The following CD86 variants were observed in gnomAD, a reference collection of about 807,000 sequenced individuals.
CD86 encodes the protein CD86 molecule, also known as T-lymphocyte activation antigen CD86.
CD86 carries 11 observed loss-of-function variants against 32.1 expected under a neutral mutation model. The ratio of observed to expected loss-of-function variants is 0.34; its 90% CI spans 0.22 to 0.57. The LOEUF (loss-of-function observed/expected upper bound fraction) is 0.57. Among genes scored for constraint, CD86 ranks in the 20% least tolerant of loss-of-function variants. The pLI, the probability that CD86 is intolerant of heterozygous loss-of-function variation, is 0.86. For missense variants in CD86, 359 were observed against 398.4 expected, an observed-to-expected ratio of 0.90 and a Z score of 0.84; for synonymous variants, 137 against 135.3, an observed-to-expected ratio of 1.01 and a Z score of -0.09.
chr3:122,090,255 T>C (rs1456850326), intron 1 of CD86, among the ~76,000 whole-genome samples: 1 of 152,178 alleles, frequency 6.6e-6, no homozygotes, highest in Non-Finnish European at 1.5e-5. Flanking sequence ...TCTAGCCCAA[T>C]GTCCTGCACT....
At chr3:122,079,703 A>G (rs1014029660) in intron 1 of CD86, among the ~76,000 whole-genome samples, 2 of 152,004 alleles carry the variant, frequency 1.3e-5, no homozygotes, top group African/African-American at 4.8e-5. Context: ...ATTGGCTTAC[A>G]CTCGGGCTGA....
chr3:122,072,091 G>GGT (rs1262288574), intron 1 of CD86, among the ~76,000 whole-genome samples: 1 of 150,462 alleles, frequency 6.6e-6, no homozygotes, highest in Non-Finnish European at 1.5e-5. Context: ...AGTATTCCAT[G>GGT]GTGTATATGT....
At chr3:122,064,328 AATAGGGTT>A (rs2072382897) in intron 1 of CD86, among the ~76,000 whole-genome samples, 1 of 152,186 alleles carries the variant, frequency 6.6e-6, no homozygotes, top group Admixed American at 6.5e-5. Flanking sequence ...GGATTATGGA[AATAGGGTT>A]ATTTCTTTGA....
At chr3:122,116,591 A>G (rs2073254196) in intron 5 of CD86, among the ~76,000 whole-genome samples, 1 of 152,218 alleles carries the variant, frequency 6.6e-6, no homozygotes, top group African/African-American at 2.4e-5. Flanking sequence ...ATTTAAAAAT[A>G]TATAAAGACT....
intron 2 of CD86, among the ~76,000 whole-genome samples, chr3:122,099,623 A>T (rs1013480781): frequency 2.6e-5 from 4 of 152,208 alleles, no homozygotes; most frequent in Non-Finnish European, 4.4e-5. Context: ...GGTAAATTTT[A>T]TAGAGACAAA....
intron 1 of CD86, among the ~76,000 whole-genome samples, chr3:122,087,127 C>G (rs560672982): frequency 3.7e-4 from 57 of 152,122 alleles, no homozygotes; most frequent in Admixed American, 8.5e-4. Context: ...GCCAGACATA[C>G]AAAGTAAGTG....
chr3:122,106,840 G>GCACACACACACA (rs56759758), intron 4 of CD86, among the ~76,000 whole-genome samples: 41,237 of 143,252 alleles, frequency 0.29, 6,590 homozygotes, highest in Admixed American at 0.46. Context: ...ACATGCGCTT[G>GCACACACACACA]CACACACACA....
In CD86 at chr3:122,120,231, G is replaced by A. The variant is rs2073322264; in HGVS notation, c.*697G>A. The A allele has an allele frequency of 6.6e-6, 1 of 152,242 alleles. No individual in the cohort carries two copies. The highest frequency in any genetic ancestry group is 2.4e-5 in the African/African-American group (1 of 41,428). 9.4% of individuals were successfully genotyped at this position (152,242 alleles called of 1,614,324 possible). ...ACCTGGAGCCACTTCTATCTGGGCT[G>A]TTGCTAATATTGAGGAGGCTTGCCC... On this transcript the variant is annotated 3_prime_UTR_variant, in exon 7 of 7. Transcript: ENST00000330540.
chr3:122,072,439 G>A lies in CD86; in HGVS notation c.14+16936G>A, dbSNP rs1350458608. On this transcript the variant is annotated intron_variant, in intron 1 of 6. Transcript: ENST00000330540. ...TTGCCATTCTAACTGGTGTGAGATG[G>A]TATCTCATTGTGGTTTTGATTTGCA... 6.8e-3 allele frequency among the ~76,000 whole-genome samples: 1,028 copies of A among 152,196 alleles called. 10 individuals are homozygous for A. Among genetic ancestry groups the A allele is most frequent in the African/African-American group, 0.022 (916 of 41,490 alleles).
intron 1 of CD86, among the ~76,000 whole-genome samples, chr3:122,080,714 G>A (rs1478871875): frequency 6.6e-6 from 1 of 152,144 alleles, no homozygotes; most frequent in Non-Finnish European, 1.5e-5. Context: ...GGGAATAAGG[G>A]GGATTTGCTC....
intron 1 of CD86, among the ~76,000 whole-genome samples, chr3:122,088,076 C>T (rs2072753204): frequency 6.6e-6 from 1 of 152,066 alleles, no homozygotes; most frequent in Admixed American, 6.5e-5. Context: ...TGTCATGCCA[C>T]CCCAGAAGAA....
At chr3:122,101,505 A>ATATATAT (rs1559909685) in intron 2 of CD86, among the ~76,000 whole-genome samples, 2 of 45,476 alleles carry the variant, frequency 4.4e-5, no homozygotes, top group African/African-American at 1.4e-4. Context: ...GAAAAAAAAA[A>ATATATAT]AAAAAAAAAT....
At chr3:122,072,182 A>G (rs913868373) in intron 1 of CD86, among the ~76,000 whole-genome samples, 36 of 150,142 alleles carry the variant, frequency 2.4e-4, no homozygotes, top group African/African-American at 8.4e-4. Flanking sequence ...TAGTGCCACA[A>G]TAAACATACG....
intron 1 of CD86, among the ~76,000 whole-genome samples, chr3:122,073,257 T>A (rs1287372264): frequency 6.6e-6 from 1 of 151,622 alleles, no homozygotes; most frequent in Non-Finnish European, 1.5e-5. Flanking sequence ...TTTGCAATTC[T>A]CTAATGAGGT....
Position 122,120,401 on chromosome 3 carries a change from G to A in CD86, c.*867G>A, listed in dbSNP as rs1304593289. 1.3e-5 allele frequency: 2 copies of A among 152,244 alleles called. No homozygotes were observed. Among genetic ancestry groups the A allele is most frequent in the South Asian group, 2.1e-4 (1 of 4,816 alleles). 9.4% of individuals were successfully genotyped at this position (152,244 alleles called of 1,614,324 possible). On this transcript the variant is annotated 3_prime_UTR_variant, in exon 7 of 7. Coordinates refer to ENST00000330540, the MANE Select transcript of CD86 (RefSeq NM_175862.5). The stretch of plus-strand genomic sequence containing the variant: ...AAGAGATCACAATACTCAAAAGAGA[G>A]AGAGAGAGAAAAAAGAGAGATCTTG...
At chr3:122,074,215 C>A (rs1268156445) in intron 1 of CD86, among the ~76,000 whole-genome samples, 1 of 152,194 alleles carries the variant, frequency 6.6e-6, no homozygotes, top group East Asian at 1.9e-4. Context: ...GCTACCCCCT[C>A]GGGAGCACTG....
intron 4 of CD86, among the ~76,000 whole-genome samples, chr3:122,106,840 G>GCGCACACACACACA (rs1553754159): frequency 2.1e-5 from 3 of 143,576 alleles, no homozygotes; most frequent in East Asian, 2.0e-4. Flanking sequence ...ACATGCGCTT[G>GCGCACACACACACA]CACACACACA....
chr3:122,089,076 A>G (rs1295646964), intron 1 of CD86, among the ~76,000 whole-genome samples: 1 of 152,252 alleles, frequency 6.6e-6, no homozygotes, highest in Non-Finnish European at 1.5e-5. Context: ...TAAGCCAGTC[A>G]CAAAAAGACA....
At chr3:122,117,329 A>T (rs1180365096) in intron 5 of CD86, among the ~76,000 whole-genome samples, 1 of 152,210 alleles carries the variant, frequency 6.6e-6, no homozygotes, top group Admixed American at 6.5e-5. Context: ...GAGAACTTCC[A>T]GTGACAGGAA....
Sources: gnomAD v4.1 joint callset for allele counts (sites outside exome capture counted in the v4.1 genomes callset) on GRCh38, gnomAD v4.1.1 for gene constraint, MANE v1.5 for transcripts, NCBI Gene and HGNC (gene_info 2026-07-23, HGNC 2026-07-21) for gene names.